The following LRMDA variants were observed in gnomAD, a reference collection of about 807,000 sequenced individuals.
LRMDA encodes the protein leucine-rich melanocyte differentiation-associated protein.
Under a neutral mutation model 29.8 loss-of-function variants are expected in LRMDA, and 18 were observed. The observed-to-expected ratio is 0.60, with a 90% confidence interval of 0.42 to 0.90. The LOEUF (loss-of-function observed/expected upper bound fraction) is 0.90. Among genes scored for constraint, LRMDA ranks in the 40% least tolerant of loss-of-function variants. The pLI, the probability that LRMDA is intolerant of heterozygous loss-of-function variation, is 0.00. For missense variants in LRMDA, 273 were observed against 273.9 expected (o/e 1.00, Z 0.02); for synonymous variants, 125 against 109.4 (o/e 1.14, Z -0.89).
At chr10:75,995,787 T>C (rs1847451464) in intron 2 of LRMDA, among the ~76,000 whole-genome samples, 1 of 152,208 alleles carries the variant, frequency 6.6e-6, no homozygotes, top group African/African-American at 2.4e-5. Flanking sequence ...CTTATTGTGA[T>C]GTGTGGGTCA....
intron 2 of LRMDA, among the ~76,000 whole-genome samples, chr10:75,488,588 TC>T (rs1320666362): frequency 6.6e-6 from 1 of 152,210 alleles, no homozygotes; most frequent in Non-Finnish European, 1.5e-5. Context: ...GTTTTTTTCT[TC>T]ATGTCCTCTT....
chr10:75,855,424 T>A (rs1446559894), intron 2 of LRMDA, among the ~76,000 whole-genome samples: 2 of 152,348 alleles, frequency 1.3e-5, no homozygotes, highest in Middle Eastern at 3.4e-3. Context: ...TGTTTTTTTC[T>A]TGTAAATTTG....
intron 2 of LRMDA, among the ~76,000 whole-genome samples, chr10:75,683,001 TC>T (rs1189628713): frequency 6.6e-6 from 1 of 152,210 alleles, no homozygotes. Flanking sequence ...CTGCTTTAAT[TC>T]ACGATGTTCG....
chr10:76,217,664 C>T (rs752551121), intron 5 of LRMDA, among the ~76,000 whole-genome samples: 12 of 152,246 alleles, frequency 7.9e-5, no homozygotes, highest in Admixed American at 7.2e-4. Flanking sequence ...CAAGGGGAAA[C>T]GCGTTGGGAA....
intron 2 of LRMDA, among the ~76,000 whole-genome samples, chr10:75,789,158 G>A (rs2132250442): frequency 6.6e-6 from 1 of 152,316 alleles, no homozygotes; most frequent in African/African-American, 2.4e-5. Context: ...ACTTTGGCCA[G>A]CTTACTTAAC....
At chr10:76,117,118 C>A (rs1849680355) in intron 5 of LRMDA, among the ~76,000 whole-genome samples, 1 of 152,178 alleles carries the variant, frequency 6.6e-6, no homozygotes, top group Admixed American at 6.5e-5. Context: ...GATCACCTTG[C>A]AGTAGGATTT....
intron 2 of LRMDA, among the ~76,000 whole-genome samples, chr10:75,692,216 AAAAATATATATATAT>A (rs1281685867): frequency 1.3e-4 from 7 of 55,188 alleles, no homozygotes; most frequent in Admixed American, 5.0e-4. Context: ...GGGAAAAAAA[AAAAATATATATATAT>A]ATATATATAT....
intron 5 of LRMDA, among the ~76,000 whole-genome samples, chr10:76,239,980 A>T (rs1241991836): frequency 2.6e-5 from 4 of 152,090 alleles, no homozygotes; most frequent in Admixed American, 2.6e-4. Context: ...GTACACCTTA[A>T]ACACTATATA....
Position 75,629,898 on chromosome 10 carries a change from A to G in LRMDA, c.131+191404A>G, listed in dbSNP as rs77212455. ...ACCTCTGCTGGCTATTGTTGGCAAAACTTTCAAGGCCTGAATCATCTGCAA... is the reference window on the plus strand; with the variant it reads ...ACCTCTGCTGGCTATTGTTGGCAAAGCTTTCAAGGCCTGAATCATCTGCAA... On this transcript the variant is annotated intron_variant, in intron 2 of 6. Coordinates refer to ENST00000611255, the MANE Select transcript of LRMDA (RefSeq NM_001305581.2). 5.5e-3 allele frequency among the ~76,000 whole-genome samples: 833 copies of G among 152,254 alleles called. 9 individuals are homozygous for G. Among genetic ancestry groups the G allele is most frequent in the African/African-American group, 0.019 (809 of 41,536 alleles).
At chr10:76,479,714 T>A (rs1842716935) in intron 6 of LRMDA, among the ~76,000 whole-genome samples, 1 of 151,818 alleles carries the variant, frequency 6.6e-6, no homozygotes, top group African/African-American at 2.4e-5. Context: ...TTTCAAAAAA[T>A]TTGCTTTGAT....
intron 2 of LRMDA, among the ~76,000 whole-genome samples, chr10:75,802,988 T>A (rs1843785265): frequency 6.7e-6 from 1 of 148,892 alleles, no homozygotes; most frequent in Non-Finnish European, 1.5e-5. Context: ...TTTTTTTTCT[T>A]AGCTCCCTTT....
chr10:75,701,122 A>AT (rs1842303462), intron 2 of LRMDA, among the ~76,000 whole-genome samples: 1 of 152,132 alleles, frequency 6.6e-6, no homozygotes, highest in South Asian at 2.1e-4. Context: ...GGCATTGGGA[A>AT]GGGGAGTCCA....
intron 2 of LRMDA, among the ~76,000 whole-genome samples, chr10:75,522,470 A>G (rs1845372549): frequency 6.6e-6 from 1 of 152,198 alleles, no homozygotes; most frequent in Non-Finnish European, 1.5e-5. Context: ...TAAAAATGCT[A>G]TGTAGGCTGA....
intron 6 of LRMDA, among the ~76,000 whole-genome samples, chr10:76,426,979 C>G (rs541535629): frequency 6.6e-6 from 1 of 152,152 alleles, no homozygotes; most frequent in East Asian, 1.9e-4. Context: ...GTTTTGGTAC[C>G]AGTACCATGC....
intron 2 of LRMDA, among the ~76,000 whole-genome samples, chr10:75,711,964 C>T (rs181072162): frequency 5.3e-5 from 8 of 151,760 alleles, no homozygotes; most frequent in African/African-American, 1.7e-4. Context: ...TATATGTATA[C>T]ATATATATAT....
intron 2 of LRMDA, among the ~76,000 whole-genome samples, chr10:75,910,496 C>T (rs1564604055): frequency 6.6e-6 from 1 of 152,174 alleles, no homozygotes; most frequent in Non-Finnish European, 1.5e-5. Flanking sequence ...GGTTTAAATG[C>T]TGTGCCGTCC....
intron 6 of LRMDA, among the ~76,000 whole-genome samples, chr10:76,509,769 G>A (rs1268713155): frequency 6.6e-6 from 1 of 152,144 alleles, no homozygotes; most frequent in African/African-American, 2.4e-5. Context: ...TCAGCCTCGT[G>A]GTAAGTACAA....
intron 2 of LRMDA, among the ~76,000 whole-genome samples, chr10:75,641,284 C>T (rs375484284): frequency 1.9e-4 from 29 of 152,062 alleles, no homozygotes; most frequent in Non-Finnish European, 2.9e-4. Context: ...GAGGAGCCAT[C>T]GGTCCTCCTT....
intron 5 of LRMDA, among the ~76,000 whole-genome samples, chr10:76,101,088 CT>C (rs200523311): frequency 4.0e-5 from 6 of 151,308 alleles, no homozygotes; most frequent in Admixed American, 6.6e-5. Context: ...TTATCCAGCT[CT>C]TTTTTTTTAT....
Sources: allele counts gnomAD v4.1 joint callset (sites outside exome capture counted in the v4.1 genomes callset), GRCh38; gene constraint gnomAD v4.1.1; transcripts MANE v1.5; gene names NCBI Gene and HGNC (gene_info 2026-07-23, HGNC 2026-07-21).